DUOXA1: variants seen among roughly 807,000 people sequenced by gnomAD.
DUOXA1 encodes the protein dual oxidase maturation factor 1.
Under a neutral mutation model 26.6 loss-of-function variants are expected in DUOXA1, and 19 were observed. The observed-to-expected ratio is 0.71, with a 90% CI of 0.50 to 1.05. DUOXA1 has a LOEUF of 1.05. Ranked by LOEUF, DUOXA1 falls within the 50% of genes least tolerant of loss-of-function variation. DUOXA1 has a pLI of 0.00. For missense variants in DUOXA1, 403 were observed against 427.5 expected (o/e 0.94, Z 0.51); for synonymous variants, 166 against 177.0 (o/e 0.94, Z 0.49).
At chr15:45,125,455 C>T (rs1382031564) in intron 3 of DUOXA1, among the ~76,000 whole-genome samples, 4 of 152,214 alleles carry the variant, frequency 2.6e-5, no homozygotes, top group African/African-American at 9.7e-5. Flanking sequence ...TCCTATTTTA[C>T]TCTATTCCTG....
intron 3 of DUOXA1, 23 bp downstream of exon 3, chr15:45,128,995 A>G (rs1567001254): frequency 6.6e-6 from 1 of 151,996 alleles, no homozygotes; most frequent in South Asian, 2.1e-4. Context: ...CCCACCACCC[A>G]CACCCGGACC....
At chr15:45,125,495 A>G (rs1048932858) in intron 3 of DUOXA1, among the ~76,000 whole-genome samples, 1 of 152,276 alleles carries the variant, frequency 6.6e-6, no homozygotes, top group South Asian at 2.1e-4. Flanking sequence ...AAAACAGTGT[A>G]TATTGGCATT....
Position 45,120,805 on chromosome 15 carries a change from C to T in DUOXA1, c.341G>A (p.Gly114Glu), listed in dbSNP as rs1177010321. 2 of 1,614,006 alleles carry T rather than the reference C, an allele frequency of 1.2e-6. No homozygotes were observed. Among genetic ancestry groups the T allele is most frequent in the South Asian group, 1.1e-5 (1 of 91,068 alleles). Residue 114 changes from glycine (G) to glutamate (E), a missense_variant and splice_region_variant, in exon 7 of 9, where the codon GGG (glycine) becomes GAG (glutamate). Physicochemically the swap from Gly to Glu is moderately conservative, Grantham distance 98 (BLOSUM62 -2). Coordinates refer to ENST00000560572, the MANE Select transcript of DUOXA1 (RefSeq NM_001276266.2). ...GLGGVNITLTGTPVQQLNETI... is the reference protein window; with the variant it reads ...GLGGVNITLTETPVQQLNETI... ...CTCATTCAGCTGCTGCACGGGGGTC[C>T]CTAGGGCACAAGGCAGCTCTGCTCA...
Position 45,117,784 on chromosome 15 carries a change from A to T in DUOXA1, c.*1322T>A. The T allele has an allele frequency of 6.2e-7, 1 of 1,613,842 alleles. No individual in the cohort carries two copies. Among genetic ancestry groups the T allele is most frequent in the Non-Finnish European group, 8.5e-7 (1 of 1,180,020 alleles). On this transcript the variant is annotated 3_prime_UTR_variant, in exon 9 of 9. Coordinates refer to ENST00000560572, the MANE Select transcript of DUOXA1 (RefSeq NM_001276266.2). Reference sequence around the variant, plus strand: ...GTATGTTCGGCCCAGCGCTCTTCGCACCCTTCTGGACCAAAGCGCCAAGGA... The same window carrying T: ...GTATGTTCGGCCCAGCGCTCTTCGCTCCCTTCTGGACCAAAGCGCCAAGGA...
intron 8 of DUOXA1, 32 bp from the exon 9 acceptor site, chr15:45,119,397 A>G (rs1045011897): frequency 1.3e-6 from 2 of 1,575,642 alleles, no homozygotes; most frequent in African/African-American, 1.3e-5. Flanking sequence ...GTCCCACCTT[A>G]GTGCTAGTAA....
At chr15:45,127,689 C>T (rs750028346) in intron 3 of DUOXA1, among the ~76,000 whole-genome samples, 2 of 152,150 alleles carry the variant, frequency 1.3e-5, no homozygotes, top group Non-Finnish European at 2.9e-5. Context: ...TTTCCTACAA[C>T]GCTTGTGTTT....
chr15:45,120,093 T>G lies in DUOXA1; in HGVS notation c.772+10A>C. 2 of 1,613,698 alleles carry G rather than the reference T, an allele frequency of 1.2e-6. No homozygotes were observed. The highest frequency in any genetic ancestry group is 1.7e-6 in the Non-Finnish European group (2 of 1,179,948). On this transcript the variant is annotated intron_variant, in intron 8 of 8. Coordinates refer to ENST00000560572, the MANE Select transcript of DUOXA1 (RefSeq NM_001276266.2). ...GACTTCTAGTGCTTGTCTTTAGGGC[T>G]GGGTCTTACCTGTGGTCAATGTGAT...
At chr15:45,121,331 A>G in intron 5 of DUOXA1, 110 bp from the exon 6 acceptor site, 1 of 1,493,290 alleles carries the variant, frequency 6.7e-7, no homozygotes, top group Non-Finnish European at 9.1e-7. Flanking sequence ...TCATAACTGG[A>G]TACCCGTTAA....
At chr15:45,126,179 A>AT (rs1016739577) in intron 3 of DUOXA1, among the ~76,000 whole-genome samples, 1 of 151,848 alleles carries the variant, frequency 6.6e-6, no homozygotes, top group African/African-American at 2.4e-5. Context: ...TTCCAAAATA[A>AT]TTTTTTTTCT....
In DUOXA1 at chr15:45,118,150, G is replaced by T. The variant is rs1411883737; in HGVS notation, c.*956C>A. 3 of 1,438,072 alleles carry T rather than the reference G, an allele frequency of 2.1e-6. No homozygotes were observed. The East Asian group carries it at 7.5e-5, about 36-fold the overall frequency. The allele number at this position is 1,438,072 out of a possible 1,614,324, so 89.1% of individuals were successfully genotyped here. A position where few individuals can be genotyped will look rare whatever the true frequency, so the allele number is the denominator to read the frequency against. On this transcript the variant is annotated 3_prime_UTR_variant, in exon 9 of 9. Coordinates refer to ENST00000560572, the MANE Select transcript of DUOXA1 (RefSeq NM_001276266.2). ...TTCATGGCTTCTCCGCGCCGGGGTC[G>T]CACGTCCTCATGAGCTTCGCTGGGC...
intron 6 of DUOXA1, 93 bp downstream of exon 6, chr15:45,120,994 G>A (rs1189151732): frequency 5.1e-6 from 8 of 1,576,410 alleles, no homozygotes; most frequent in East Asian, 2.3e-5. Flanking sequence ...CAGCCCCTGT[G>A]CCAGGCATCC....
chr15:45,121,813 G>A (rs763498446), intron 5 of DUOXA1, among the ~76,000 whole-genome samples: 3 of 152,160 alleles, frequency 2.0e-5, no homozygotes, highest in African/African-American at 4.8e-5. Context: ...CACTGTGCCC[G>A]GCCTCACGGA....
Position 45,117,461 on chromosome 15 carries a change from G to A in DUOXA1, c.*1645C>T, listed in dbSNP as rs1003208915. On this transcript the variant is annotated 3_prime_UTR_variant, in exon 9 of 9. Transcript: ENST00000560572. ...CAGGCACTGTTATGACCATTTTACA[G>A]ATGAAAAGTGGGGGGCTCAGAAGGG... 1.9e-6 allele frequency: 3 copies of A among 1,546,652 alleles called. No individual in the cohort carries two copies. Among genetic ancestry groups the A allele is most frequent in the African/African-American group, 1.4e-5 (1 of 72,958 alleles).
chr15:45,128,306 A>G (rs1416464970), intron 3 of DUOXA1, among the ~76,000 whole-genome samples: 1 of 152,120 alleles, frequency 6.6e-6, no homozygotes, highest in Non-Finnish European at 1.5e-5. Context: ...GCCTGACAGG[A>G]CTTTTTTCCT....
intron 5 of DUOXA1, among the ~76,000 whole-genome samples, chr15:45,121,904 C>G (rs897082698): frequency 1.3e-5 from 2 of 152,182 alleles, no homozygotes; most frequent in South Asian, 4.1e-4. Context: ...TTTCTGGGGC[C>G]CTCTCCCCAC....
chr15:45,120,787 A>G lies in DUOXA1; in HGVS notation c.359T>C (p.Leu120Pro). 1.2e-6 allele frequency: 2 copies of G among 1,614,110 alleles called. No homozygotes were observed. Among genetic ancestry groups the G allele is most frequent in the Non-Finnish European group, 1.7e-6 (2 of 1,180,000 alleles). Residue 120 changes from leucine (L) to proline (P), a missense_variant, in exon 7 of 9, where the codon CTG becomes CCG. Leu to Pro is a moderately conservative substitution (Grantham distance 98). Coordinates refer to ENST00000560572, the MANE Select transcript of DUOXA1 (RefSeq NM_001276266.2). ...ITLTGTPVQQ[L>P]NETINYNEEF... The stretch of plus-strand genomic sequence containing the variant: ...CTCGTTGTAATTGATGGTCTCATTC[A>G]GCTGCTGCACGGGGGTCCCTAGGGC...
At chr15:45,124,641 C>G (rs890317356) in intron 3 of DUOXA1, among the ~76,000 whole-genome samples, 4 of 152,150 alleles carry the variant, frequency 2.6e-5, no homozygotes, top group Non-Finnish European at 4.4e-5. Context: ...ACCTGAGTAG[C>G]TGGGATTACA....
In DUOXA1 at chr15:45,129,502, C is replaced by T. The variant is rs1044264745; in HGVS notation, c.-189G>A. On this transcript the variant is annotated 5_prime_UTR_variant, in exon 2 of 9. Coordinates refer to ENST00000560572, the MANE Select transcript of DUOXA1 (RefSeq NM_001276266.2). This position sits in a 1 kb window ranked among gnomAD's most constrained non-coding sequence, Gnocchi z 4.1. ...GGTCTGGCGGGGCGCGGGCGCGGCT[C>T]GCAGGGCGGTGGGACCCCCAAGACC... 2.0e-5 allele frequency: 3 copies of T among 153,272 alleles called. No individual in the cohort carries two copies. The Admixed American group carries it at 2.0e-4, about 10-fold the overall frequency. The allele number at this position is 153,272 out of a possible 1,614,324, so 9.5% of individuals were successfully genotyped here. A position where few individuals can be genotyped will look rare whatever the true frequency, so the allele number is the denominator to read the frequency against.
chr15:45,124,962 G>T (rs752691100), intron 3 of DUOXA1, among the ~76,000 whole-genome samples: 9 of 152,044 alleles, frequency 5.9e-5, no homozygotes, highest in Admixed American at 5.9e-4. Flanking sequence ...TAATCCCCAG[G>T]TCCCTTTTAG....
Sources: gnomAD v4.1 joint callset for allele counts (sites outside exome capture counted in the v4.1 genomes callset) on GRCh38, gnomAD v4.1.1 for gene constraint, Gnocchi (gnomAD v3.1) non-coding constraint, MANE v1.5 for transcripts, NCBI Gene and HGNC (gene_info 2026-07-23, HGNC 2026-07-21) for gene names.